SUZ12: variants seen among roughly 807,000 people sequenced by gnomAD.
SUZ12 encodes the protein SUZ12 polycomb repressive complex 2 subunit, also known as polycomb protein SUZ12.
Under a neutral mutation model 87.3 loss-of-function variants are expected in SUZ12, and 17 were observed. The ratio of observed to expected loss-of-function variants is 0.19; its 90% CI spans 0.13 to 0.29. The LOEUF (loss-of-function observed/expected upper bound fraction) is 0.29. Ranked by LOEUF, SUZ12 falls within the 10% of genes least tolerant of loss-of-function variation. SUZ12 has a pLI of 1.00. For missense variants in SUZ12, 526 were observed against 912.2 expected (o/e 0.58, Z 5.45); for synonymous variants, 253 against 312.4 (o/e 0.81, Z 2.01).
chr17:31,997,296 C>T (rs1341946230), intron 15 of SUZ12, among the ~76,000 whole-genome samples: 1 of 152,108 alleles, frequency 6.6e-6, no homozygotes, highest in African/African-American at 2.4e-5. Flanking sequence ...ATCACTGGTG[C>T]CCATCCTAAC....
chr17:31,973,070 C>T, intron 5 of SUZ12, 76 bp from the exon 6 acceptor site: 4 of 1,373,880 alleles, frequency 2.9e-6, no homozygotes, highest in East Asian at 2.7e-5. Flanking sequence ...TTTGAAGTTC[C>T]CTGACTTGTT....
intron 4 of SUZ12, among the ~76,000 whole-genome samples, chr17:31,950,882 G>A (rs1567815289): frequency 2.6e-5 from 4 of 151,834 alleles, no homozygotes; most frequent in Non-Finnish European, 4.4e-5. Flanking sequence ...CGGGGTTCAC[G>A]CCATTCTCCT....
Position 31,998,722 on chromosome 17 carries a change from A to G in SUZ12, c.1939A>G (p.Ile647Val), listed in dbSNP as rs778886642. The G allele has an allele frequency of 6.2e-7, 1 of 1,602,728 alleles. No homozygotes were observed. Among genetic ancestry groups the G allele is most frequent in the Non-Finnish European group, 8.5e-7 (1 of 1,174,954 alleles). Residue 647 changes from isoleucine to valine, a missense_variant, in exon 16 of 16, where the codon ATA becomes GTA. Physicochemically the swap from Ile to Val is conservative, Grantham distance 29. Coordinates refer to ENST00000322652, the MANE Select transcript of SUZ12 (RefSeq NM_015355.4). ...MLFVENYGQK[I>V]IKKNLCRNFM... ...GTTTGTAGAAAATTATGGACAGAAAATAATTAAGAAGAATTTATGTCGAAA... is the reference window on the plus strand; with the variant it reads ...GTTTGTAGAAAATTATGGACAGAAAGTAATTAAGAAGAATTTATGTCGAAA...
intron 4 of SUZ12, among the ~76,000 whole-genome samples, chr17:31,963,091 A>ATTGCT (rs1269073096): frequency 7.0e-4 from 107 of 152,286 alleles, no homozygotes; most frequent in African/African-American, 2.4e-3. Flanking sequence ...AATGTTTATA[A>ATTGCT]TATATGAATT....
intron 4 of SUZ12, among the ~76,000 whole-genome samples, chr17:31,957,895 C>CTTTT (rs1181314058): frequency 4.4e-5 from 4 of 91,332 alleles, no homozygotes; most frequent in Non-Finnish European, 6.7e-5. Context: ...ACCTTTTGTC[C>CTTTT]TTTTTTTTTT....
At chr17:31,939,769 G>A (rs1906163433) in intron 1 of SUZ12, among the ~76,000 whole-genome samples, 1 of 151,984 alleles carries the variant, frequency 6.6e-6, no homozygotes, top group Non-Finnish European at 1.5e-5. Flanking sequence ...TAGGTGATCT[G>A]CCCACCTTGG....
intron 4 of SUZ12, among the ~76,000 whole-genome samples, chr17:31,959,012 C>T (rs1030537066): frequency 8.5e-5 from 13 of 152,086 alleles, no homozygotes; most frequent in African/African-American, 2.9e-4. Context: ...AGGGAGACTC[C>T]GTCTCAAAAT....
At chr17:31,941,558 T>G (rs944903677) in intron 3 of SUZ12, among the ~76,000 whole-genome samples, 1 of 982 alleles carries the variant, frequency 1.0e-3, no homozygotes, top group African/African-American at 1.2e-3. Flanking sequence ...TGCCTGGCCT[T>G]TTTTTTTTTG....
At chr17:31,954,512 A>G (rs544007716) in intron 4 of SUZ12, among the ~76,000 whole-genome samples, 8 of 152,262 alleles carry the variant, frequency 5.3e-5, no homozygotes, top group African/African-American at 1.7e-4. Context: ...TGTCCTAGGC[A>G]CTATACTAAG....
Position 31,975,582 on chromosome 17 carries a change from C to A in SUZ12, c.692C>A (p.Ala231Glu). 6.2e-7 allele frequency: 1 copy of A among 1,613,936 alleles called. No homozygotes were observed. The highest frequency in any genetic ancestry group is 8.5e-7 in the Non-Finnish European group (1 of 1,179,866). ...QTKPGNFPSLAVSSNEFEPSN... is the reference protein window; with the variant it reads ...QTKPGNFPSLEVSSNEFEPSN... Reference sequence around the variant, plus strand: ...AAACCCGGAAATTTCCCGTCCCTTGCAGTTTCCAGTAATGAATTTGAACCT... The same window carrying A: ...AAACCCGGAAATTTCCCGTCCCTTGAAGTTTCCAGTAATGAATTTGAACCT... Residue 231 changes from alanine to glutamate, a missense_variant, in exon 7 of 16, where the codon GCA becomes GAA. Physicochemically the swap from Ala to Glu is moderately radical, Grantham distance 107. Around this residue, in one of 9 missense-constraint regions of SUZ12, gnomAD observed 73 missense variants for 133.8 expected, o/e 0.55. Transcript: ENST00000322652.
intron 1 of SUZ12, among the ~76,000 whole-genome samples, chr17:31,939,580 A>G (rs1016734579): frequency 8.6e-5 from 13 of 151,866 alleles, no homozygotes; most frequent in Non-Finnish European, 1.6e-4. Context: ...CTGGAGTACA[A>G]TGACGCGATC....
intron 4 of SUZ12, among the ~76,000 whole-genome samples, chr17:31,952,119 G>A (rs985959821): frequency 2.0e-5 from 3 of 152,094 alleles, no homozygotes; most frequent in Admixed American, 6.6e-5. Flanking sequence ...CCAGGCTGGA[G>A]CACAAGTGGC....
chr17:31,951,731 C>T (rs1489912844), intron 4 of SUZ12, among the ~76,000 whole-genome samples: 13 of 150,520 alleles, frequency 8.6e-5, no homozygotes, highest in African/African-American at 3.2e-4. Flanking sequence ...CCGCCTTGGC[C>T]TCCCAAAGTG....
chr17:31,958,476 A>T (rs8080271), intron 4 of SUZ12, among the ~76,000 whole-genome samples: 2 of 151,888 alleles, frequency 1.3e-5, no homozygotes, highest in African/African-American at 4.8e-5. Context: ...TTGGGAGGTC[A>T]AGGCAGGTGG....
At chr17:31,994,856 GTTAACTACT>G in intron 13 of SUZ12, 135 bp downstream of exon 13, 1 of 874,144 alleles carries the variant, frequency 1.1e-6, no homozygotes, top group Non-Finnish European at 1.7e-6. Context: ...CTATGGGGTT[GTTAACTACT>G]TTATAACACT....
chr17:31,995,777 C>G lies in SUZ12; in HGVS notation c.1794+15C>G. The G allele has an allele frequency of 1.9e-6, 3 of 1,555,314 alleles. No homozygotes were observed. Among genetic ancestry groups the G allele is most frequent in the Non-Finnish European group, 2.6e-6 (3 of 1,135,360 alleles). ...AAACCATTACAGTAATTATTATTAT[C>G]TTTATTGGCAATTATCTTGGAATAT... On this transcript the variant is annotated intron_variant, in intron 14 of 15. Coordinates refer to ENST00000322652, the MANE Select transcript of SUZ12 (RefSeq NM_015355.4).
chr17:31,944,661 A>G (rs1906511806), intron 3 of SUZ12, among the ~76,000 whole-genome samples: 1 of 152,224 alleles, frequency 6.6e-6, no homozygotes, highest in South Asian at 2.1e-4. Context: ...TTTAGTTCCT[A>G]CAGAAATGGG....
At chr17:31,972,605 G>A (rs1195742707) in intron 5 of SUZ12, among the ~76,000 whole-genome samples, 3 of 152,236 alleles carry the variant, frequency 2.0e-5, no homozygotes, top group Non-Finnish European at 2.9e-5. Context: ...TTGTAGAGAC[G>A]AGGTTTCTGT....
At chr17:31,962,236 T>C (rs1041291846) in intron 4 of SUZ12, among the ~76,000 whole-genome samples, 10 of 151,946 alleles carry the variant, frequency 6.6e-5, no homozygotes, top group Admixed American at 6.6e-4. Context: ...AGGAGTTCAT[T>C]ACCAGCCTGG....
Sources: gnomAD v4.1 joint callset for allele counts (sites outside exome capture counted in the v4.1 genomes callset) on GRCh38, gnomAD v4.1.1 for gene constraint, gnomAD v4.1.1 regional missense constraint, MANE v1.5 for transcripts, NCBI Gene and HGNC (gene_info 2026-07-23, HGNC 2026-07-21) for gene names.